ARB2A: variants seen among roughly 807,000 people sequenced by gnomAD.
ARB2A encodes the protein cotranscriptional regulator ARB2A.
chr5:93,920,692 T>C, the ARB2A span, among the ~76,000 whole-genome samples: 2 of 152,140 alleles, frequency 1.3e-5, no homozygotes, highest in South Asian at 2.1e-4. Context: ...ACACCATACA[T>C]GGTACCATTC....
At chr5:93,627,664 A>C in the ARB2A span, among the ~76,000 whole-genome samples, 1 of 150,768 alleles carries the variant, frequency 6.6e-6, no homozygotes, top group Non-Finnish European at 1.5e-5. Context: ...CTGGTCTTGA[A>C]CTCCTGACCT....
chr5:93,648,145 C>CA, the ARB2A span, among the ~76,000 whole-genome samples: 874 of 83,296 alleles, frequency 0.01, 7 homozygotes, highest in East Asian at 0.035. Context: ...GAACCTGTCT[C>CA]AAAAAAAAAA....
At chr5:93,951,511 G>A in the ARB2A span, among the ~76,000 whole-genome samples, 4 of 152,164 alleles carry the variant, frequency 2.6e-5, no homozygotes, top group Non-Finnish European at 5.9e-5. Context: ...TATGGTGAGA[G>A]ATAGGGGTCT....
At chr5:93,958,761 A>C in the ARB2A span, 1 of 1,469,766 alleles carries the variant, frequency 6.8e-7, no homozygotes, top group Non-Finnish European at 9.0e-7. Flanking sequence ...AAAAAAACCC[A>C]GGAAATTGTA....
the ARB2A span, among the ~76,000 whole-genome samples, chr5:94,052,487 G>A: frequency 7.2e-5 from 11 of 152,052 alleles, no homozygotes; most frequent in Non-Finnish European, 1.2e-4. Context: ...GCACCAATTC[G>A]GTTAATGCAG....
chr5:93,889,636 A>G, the ARB2A span, among the ~76,000 whole-genome samples: 2 of 151,898 alleles, frequency 1.3e-5, no homozygotes, highest in African/African-American at 4.8e-5. Flanking sequence ...TATATTGCTC[A>G]TTAGATGGCA....
the ARB2A span, among the ~76,000 whole-genome samples, chr5:93,720,012 C>T: frequency 3.9e-5 from 6 of 152,256 alleles, no homozygotes; most frequent in African/African-American, 1.2e-4. Context: ...CTGCTCAGGC[C>T]GTCATGCCGT....
chr5:93,848,436 T>C, the ARB2A span, among the ~76,000 whole-genome samples: 1 of 151,426 alleles, frequency 6.6e-6, no homozygotes, highest in South Asian at 2.1e-4. Flanking sequence ...GTCCAATAAA[T>C]GAATTCTAGA....
At chr5:93,793,239 AT>A in the ARB2A span, among the ~76,000 whole-genome samples, 430 of 64,776 alleles carry the variant, frequency 6.6e-3, 3 homozygotes, top group African/African-American at 0.015. Flanking sequence ...CTTCTGGCTA[AT>A]TTTTTTTTTT....
At chr5:93,759,945 G>A in the ARB2A span, among the ~76,000 whole-genome samples, 4 of 152,118 alleles carry the variant, frequency 2.6e-5, no homozygotes, top group Non-Finnish European at 5.9e-5. Context: ...CGGTAAAGAG[G>A]AAGTCAAACT....
At chr5:93,855,274 T>C in the ARB2A span, among the ~76,000 whole-genome samples, 1 of 152,198 alleles carries the variant, frequency 6.6e-6, no homozygotes, top group South Asian at 2.1e-4. Flanking sequence ...GAGACTAGGA[T>C]TGCAACCCCT....
the ARB2A span, among the ~76,000 whole-genome samples, chr5:94,020,498 T>C: frequency 6.6e-6 from 1 of 152,194 alleles, no homozygotes; most frequent in South Asian, 2.1e-4. Flanking sequence ...TCCAAGGGCC[T>C]GCCCAAATGG....
the ARB2A span, among the ~76,000 whole-genome samples, chr5:93,977,095 C>T: frequency 6.6e-6 from 1 of 151,656 alleles, no homozygotes; most frequent in African/African-American, 2.4e-5. Flanking sequence ...CTGAAAGACT[C>T]ACAGATGACA....
the ARB2A span, among the ~76,000 whole-genome samples, chr5:93,907,118 C>T: frequency 6.6e-6 from 1 of 151,300 alleles, no homozygotes; most frequent in South Asian, 2.1e-4. Flanking sequence ...TGCTGCTTGA[C>T]GTTGACTCTG....
the ARB2A span, chr5:93,740,734 A>G: frequency 1.4e-5 from 23 of 1,612,818 alleles, no homozygotes; most frequent in Middle Eastern, 1.6e-4. Flanking sequence ...TGTCCCCACA[A>G]TCTCCCGTGG....
chr5:93,855,271 G>C, the ARB2A span, among the ~76,000 whole-genome samples: 1 of 152,094 alleles, frequency 6.6e-6, no homozygotes, highest in Non-Finnish European at 1.5e-5. Flanking sequence ...TCAGAGACTA[G>C]GATTGCAACC....
chr5:93,861,827 CCA>C, the ARB2A span: 1 of 152,132 alleles, frequency 6.6e-6, no homozygotes. Flanking sequence ...CAAAATCCAG[CCA>C]CATTTAAGTC....
the ARB2A span, among the ~76,000 whole-genome samples, chr5:93,674,760 T>C: frequency 1.3e-5 from 2 of 152,176 alleles, no homozygotes; most frequent in Non-Finnish European, 2.9e-5. Flanking sequence ...GTGTGCTATA[T>C]TTTTTTACAA....
At chr5:93,653,898 T>A in the ARB2A span, among the ~76,000 whole-genome samples, 1 of 152,238 alleles carries the variant, frequency 6.6e-6, no homozygotes, top group African/African-American at 2.4e-5. Context: ...TGCCAGTGAC[T>A]GGACTCACAT....
Sources: gnomAD v4.1 joint callset for allele counts (sites outside exome capture counted in the v4.1 genomes callset) on GRCh38, gnomAD v4.1.1 for gene constraint, MANE v1.5 for transcripts, NCBI Gene and HGNC (gene_info 2026-07-23, HGNC 2026-07-21) for gene names.